The following AK5 variants were observed in gnomAD, a reference collection of about 807,000 sequenced individuals.
AK5 encodes the protein adenylate kinase isoenzyme 5.
Under a neutral mutation model 69.5 loss-of-function variants are expected in AK5, and 27 were observed. The observed-to-expected ratio is 0.39, with a 90% CI of 0.29 to 0.54. The LOEUF is 0.54. Among genes scored for constraint, AK5 ranks in the 20% least tolerant of loss-of-function variants. The pLI, the probability that AK5 is intolerant of heterozygous loss-of-function variation, is 0.71. For missense variants in AK5, 531 were observed against 700.4 expected (o/e 0.76, Z 2.73); for synonymous variants, 260 against 244.4 (o/e 1.06, Z -0.60).
At chr1:77,411,136 T>A in intron 7 of AK5, 65 bp downstream of exon 7, 1 of 1,367,544 alleles carries the variant, frequency 7.3e-7, no homozygotes. Context: ...TGGGGCTTTG[T>A]ATTAATGGTT....
intron 10 of AK5, among the ~76,000 whole-genome samples, chr1:77,514,346 A>C (rs1466621732): frequency 3.3e-5 from 5 of 152,068 alleles, no homozygotes; most frequent in Non-Finnish European, 1.5e-5. Flanking sequence ...GACACAGCCC[A>C]CTCATTCTGA....
intron 8 of AK5, among the ~76,000 whole-genome samples, chr1:77,465,945 C>T (rs915823798): frequency 5.3e-5 from 8 of 152,158 alleles, no homozygotes; most frequent in Admixed American, 4.6e-4. Flanking sequence ...ACCTCCAGGC[C>T]ATGCTTTACA....
chr1:77,503,564 A>C (rs1053154579), intron 10 of AK5, among the ~76,000 whole-genome samples: 1 of 152,190 alleles, frequency 6.6e-6, no homozygotes, highest in African/African-American at 2.4e-5. Context: ...CTTATGGTTA[A>C]ACTGATTAAG....
intron 6 of AK5, among the ~76,000 whole-genome samples, chr1:77,368,295 T>C (rs1647053025): frequency 8.3e-6 from 1 of 120,910 alleles, no homozygotes; most frequent in Non-Finnish European, 1.6e-5. Flanking sequence ...ATATATATGT[T>C]ATATATAATA....
At chr1:77,543,640 C>T (rs974924227) in intron 13 of AK5, among the ~76,000 whole-genome samples, 9 of 151,970 alleles carry the variant, frequency 5.9e-5, no homozygotes, top group African/African-American at 1.9e-4. Flanking sequence ...CCAAGTAATA[C>T]TCCCACTTCA....
chr1:77,457,286 C>T (rs914455024), intron 8 of AK5, among the ~76,000 whole-genome samples: 21 of 152,266 alleles, frequency 1.4e-4, no homozygotes, highest in Non-Finnish European at 2.4e-4. Flanking sequence ...AATGTGGAGA[C>T]GCAGGTCCCT....
intron 8 of AK5, among the ~76,000 whole-genome samples, chr1:77,433,683 T>G (rs1651783570): frequency 6.6e-6 from 1 of 152,170 alleles, no homozygotes; most frequent in South Asian, 2.1e-4. Flanking sequence ...ACCAAGCAGC[T>G]GTAAACTATA....
intron 1 of AK5, chr1:77,283,084 C>T (rs1658152311): frequency 5.1e-6 from 5 of 985,606 alleles, no homozygotes; most frequent in African/African-American, 1.7e-5. Flanking sequence ...ACTCCTGTTG[C>T]TCAGTCTTCA....
intron 9 of AK5, among the ~76,000 whole-genome samples, chr1:77,484,553 C>G (rs1296869047): frequency 6.6e-6 from 1 of 152,128 alleles, no homozygotes; most frequent in African/African-American, 2.4e-5. Flanking sequence ...ATATATGAGC[C>G]ATAACTTAGC....
At chr1:77,358,743 T>C (rs188409107) in intron 6 of AK5, among the ~76,000 whole-genome samples, 178 of 152,186 alleles carry the variant, frequency 1.2e-3, no homozygotes, top group African/African-American at 3.9e-3. Context: ...TTATTTTTTC[T>C]TACCTCAGAC....
At chr1:77,417,252 T>A (rs1415047811) in intron 7 of AK5, among the ~76,000 whole-genome samples, 1 of 152,000 alleles carries the variant, frequency 6.6e-6, no homozygotes, top group East Asian at 1.9e-4. Context: ...CTGAAACTGC[T>A]CCCCCTCCTG....
intron 5 of AK5, among the ~76,000 whole-genome samples, chr1:77,312,156 T>A (rs1659993707): frequency 6.6e-6 from 1 of 152,162 alleles, no homozygotes; most frequent in African/African-American, 2.4e-5. Flanking sequence ...AATACATGAT[T>A]ACAATTCACG....
At chr1:77,312,889 T>C (rs900854708) in intron 5 of AK5, among the ~76,000 whole-genome samples, 4 of 152,088 alleles carry the variant, frequency 2.6e-5, no homozygotes, top group African/African-American at 9.7e-5. Flanking sequence ...GTGATTTTCA[T>C]GTGAGGAGTG....
chr1:77,434,229 T>C (rs187060291), intron 8 of AK5, among the ~76,000 whole-genome samples: 90 of 152,076 alleles, frequency 5.9e-4, no homozygotes, highest in African/African-American at 1.8e-3. Flanking sequence ...TAATAAGAAT[T>C]CTGACTGATA....
rs567795296 is a variant in AK5 at position 77,535,778 on chromosome 1, C to T, written c.1429-69C>T. On this transcript the variant is annotated intron_variant, in intron 12 of 13. Coordinates refer to ENST00000354567, the MANE Select transcript of AK5 (RefSeq NM_174858.3). ...AGGCCAAGAAAGGAAAAACCAGAGG[C>T]CCTGGGCCTTTCCAGAACATCAGCA... is the stretch of plus-strand genomic sequence containing the variant. 1.1e-5 allele frequency: 16 copies of T among 1,449,532 alleles called. 1 individual carries two copies. In the African/African-American group the frequency reaches 1.4e-4, roughly 13 times the overall value. 89.8% of individuals were successfully genotyped at this position (1,449,532 alleles called of 1,614,324 possible). A position where few individuals can be genotyped will look rare whatever the true frequency, so the allele number is the denominator to read the frequency against.
intron 6 of AK5, among the ~76,000 whole-genome samples, chr1:77,367,569 A>ATATATATATATTATATATGT (rs1553139695): frequency 1.3e-4 from 4 of 31,640 alleles, no homozygotes; most frequent in Admixed American, 5.5e-4. Context: ...ATATATATAT[A>ATATATATATATTATATATGT]TATATATATA....
At chr1:77,456,921 TAAA>T (rs35087048) in intron 8 of AK5, among the ~76,000 whole-genome samples, 1 of 143,856 alleles carries the variant, frequency 7.0e-6, no homozygotes, top group Non-Finnish European at 1.5e-5. Context: ...GTAGTTTCCT[TAAA>T]AAAAAAAAAA....
intron 6 of AK5, among the ~76,000 whole-genome samples, chr1:77,394,989 C>G (rs954946868): frequency 6.6e-6 from 1 of 152,152 alleles, no homozygotes; most frequent in Non-Finnish European, 1.5e-5. Context: ...CTGCACTCCC[C>G]TCAGTAATTT....
chr1:77,357,975 T>C (rs141330194), intron 6 of AK5, among the ~76,000 whole-genome samples: 1,238 of 123,098 alleles, frequency 0.01, 11 homozygotes, highest in Middle Eastern at 0.018. Flanking sequence ...TTAAAACATG[T>C]AATATTTATG....
Sources: allele counts gnomAD v4.1 joint callset (sites outside exome capture counted in the v4.1 genomes callset), GRCh38; gene constraint gnomAD v4.1.1; transcripts MANE v1.5; gene names NCBI Gene and HGNC (gene_info 2026-07-23, HGNC 2026-07-21).